Variants in SYNE2 observed in about 807,000 individuals in gnomAD.
SYNE2 encodes the protein nesprin-2.
SYNE2 carries 431 observed loss-of-function variants against 856.3 expected under a neutral mutation model. That is an observed-to-expected ratio of 0.50 (90% confidence interval 0.47 to 0.55). The LOEUF (loss-of-function observed/expected upper bound fraction) is 0.55, where lower values mean the gene tolerates loss of function less well. Among genes scored for constraint, SYNE2 ranks in the 20% least tolerant of loss-of-function variants. The pLI is 0.00. For missense variants in SYNE2, 8,129 were observed against 8,023.2 expected, an observed-to-expected ratio of 1.01 and a Z score of -0.50; for synonymous variants, 2,923 against 2,872.3, an observed-to-expected ratio of 1.02 and a Z score of -0.56.
chr14:63,967,152 C>T (rs1298582604), intron 10 of SYNE2, among the ~76,000 whole-genome samples: 1 of 152,224 alleles, frequency 6.6e-6, no homozygotes, highest in African/African-American at 2.4e-5. Flanking sequence ...GCATGAGCCA[C>T]CGCGCCTGGC....
At chr14:64,189,160 C>G (rs1317592050) in intron 98 of SYNE2, among the ~76,000 whole-genome samples, 1 of 152,008 alleles carries the variant, frequency 6.6e-6, no homozygotes, top group Non-Finnish European at 1.5e-5. Flanking sequence ...ATGGTGAAAC[C>G]TCGTCTCTAC....
chr14:63,966,484 C>T (rs561447915), intron 10 of SYNE2, among the ~76,000 whole-genome samples: 16 of 151,962 alleles, frequency 1.1e-4, no homozygotes, highest in Non-Finnish European at 2.1e-4. Context: ...GATCATGCCA[C>T]TGAACTTCAG....
intron 1 of SYNE2, among the ~76,000 whole-genome samples, chr14:63,893,134 A>T (rs2095173481): frequency 6.6e-6 from 1 of 152,180 alleles, no homozygotes; most frequent in African/African-American, 2.4e-5. Flanking sequence ...AAAAGAAAAC[A>T]ACAACAGACA....
chr14:64,214,420 C>G lies in SYNE2; in HGVS notation c.19283C>G (p.Ser6428Cys), dbSNP rs1298449677. The G allele has an allele frequency of 6.2e-7, 1 of 1,613,946 alleles. No homozygotes were observed. The highest frequency in any genetic ancestry group is 8.5e-7 in the Non-Finnish European group (1 of 1,180,008). The change falls in exon 106 of 116, where the codon TCC (serine) becomes TGC (cysteine). Residue 6428 changes from serine (S) to cysteine (C), a missense_variant. By Grantham distance (112) the Ser-to-Cys change is moderately radical. This residue lies in a region of SYNE2 where 5,410 missense variants were observed against 5,284.8 expected (regional missense o/e 1.02). Transcript: ENST00000555002. ...GACCACACAGGCGACGTGGGGGGCT[C>G]CTCCTCTCACGAAGAGGACGAGGAG... Reference protein sequence around the residue: ...EWDHTGDVGGSSSHEEDEEGP... With the variant: ...EWDHTGDVGGCSSHEEDEEGP...
chr14:64,098,699 T>C (rs369358613), intron 62 of SYNE2, 48 bp from the exon 63 acceptor site: 1 of 1,593,334 alleles, frequency 6.3e-7, no homozygotes, highest in Non-Finnish European at 8.6e-7. Context: ...ATCTTGGTGA[T>C]GTTGACTGGC....
chr14:63,925,558 T>C (rs995120773), intron 2 of SYNE2, among the ~76,000 whole-genome samples: 4 of 152,210 alleles, frequency 2.6e-5, no homozygotes, highest in Non-Finnish European at 5.9e-5. Flanking sequence ...ATTGTTTTTT[T>C]TACCATAGTC....
rs1488067730 is a variant in SYNE2 at position 63,963,884 on chromosome 14, G to A, written c.889-15G>A. 1.3e-6 allele frequency: 2 copies of A among 1,585,600 alleles called. No homozygotes were observed. Among genetic ancestry groups the A allele is most frequent in the African/African-American group, 1.3e-5 (1 of 74,224 alleles). On this transcript the variant is annotated splice_polypyrimidine_tract_variant and intron_variant, in intron 9 of 115. Coordinates refer to ENST00000555002, the MANE Select transcript of SYNE2 (RefSeq NM_182914.3). The stretch of plus-strand genomic sequence containing the variant: ...CGTTTAAAATATAGTTTAATTTTGT[G>A]TGTGTAAAATACAGGGAAAGGTGAA...
At position 64,226,405 on chromosome 14, in the gene SYNE2, TTTCTCA is replaced by T. The variant is rs2098718529; in HGVS notation, c.*882_*887del. The T allele has an allele frequency of 6.6e-6, 1 of 152,550 alleles. No individual in the cohort carries two copies. The highest frequency in any genetic ancestry group is 2.4e-5 in the African/African-American group (1 of 41,420). 9.4% of individuals were successfully genotyped at this position (152,550 alleles called of 1,614,324 possible). A position where few individuals can be genotyped will look rare whatever the true frequency, so the allele number is the denominator to read the frequency against. On this transcript the variant is annotated 3_prime_UTR_variant, in exon 116 of 116. Coordinates refer to ENST00000555002, the MANE Select transcript of SYNE2 (RefSeq NM_182914.3). ...GTTTGTGATATGTACAACTCAGATG[TTTCTCA>T]TTAAAAAACAAAATTAGCCAGACTT...
At chr14:63,946,670 TATAAC>T (rs1398832472) in intron 6 of SYNE2, among the ~76,000 whole-genome samples, 1 of 147,762 alleles carries the variant, frequency 6.8e-6, no homozygotes, top group East Asian at 1.9e-4. Flanking sequence ...TATACTATAA[TATAAC>T]ATATATTACA....
At chr14:63,857,050 T>C (rs529874036) in intron 1 of SYNE2, among the ~76,000 whole-genome samples, 24 of 152,322 alleles carry the variant, frequency 1.6e-4, no homozygotes, top group African/African-American at 5.8e-4. Context: ...ATTACAGGCA[T>C]GAGTCTGCCC....
At chr14:63,806,947 T>A (rs892904764) in intron 1 of SYNE2, among the ~76,000 whole-genome samples, 2 of 151,822 alleles carry the variant, frequency 1.3e-5, no homozygotes, top group East Asian at 3.9e-4. Context: ...ACTCCTGGCC[T>A]CAAGTGATCC....
At chr14:64,163,760 C>T (rs1348919215) in intron 89 of SYNE2, among the ~76,000 whole-genome samples, 179 bp downstream of exon 89, 1 of 152,166 alleles carries the variant, frequency 6.6e-6, no homozygotes, top group Non-Finnish European at 1.5e-5. Context: ...CTTAAGCAAT[C>T]ATTTCTTCCT....
rs377312521 is a variant in SYNE2 at position 63,910,766 on chromosome 14, G to A, written c.79+1539G>A. ...TGCAGCTGCATTTTGAAGATGAACA[G>A]TAAGGGAGACAAAGGGGCTTAGCAC... On this transcript the variant is annotated intron_variant, in intron 2 of 115. Transcript: ENST00000555002. Among the ~76,000 whole-genome samples the A allele has an allele frequency of 6.6e-5, 10 of 152,200 alleles. No homozygotes were observed. In the East Asian group the frequency reaches 9.6e-4, roughly 15 times the overall value.
At chr14:64,218,534 C>A (rs374937084) in intron 109 of SYNE2, 22 bp downstream of exon 109, 12 of 1,604,410 alleles carry the variant, frequency 7.5e-6, no homozygotes, top group Non-Finnish European at 8.5e-6. Context: ...AACTGGCAGT[C>A]GTCCAGAGAG....
chr14:63,969,075 A>G (rs1227953987), intron 11 of SYNE2, among the ~76,000 whole-genome samples: 1 of 152,078 alleles, frequency 6.6e-6, no homozygotes, highest in Non-Finnish European at 1.5e-5. Flanking sequence ...ATAAGTAAGA[A>G]CATGTGATAT....
chr14:64,200,679 G>C (rs1596178590), intron 99 of SYNE2, among the ~76,000 whole-genome samples: 1 of 152,238 alleles, frequency 6.6e-6, no homozygotes, highest in East Asian at 1.9e-4. Context: ...TTTGCAGTAA[G>C]AATGTAATTT....
intron 1 of SYNE2, chr14:63,864,517 A>C (rs1409969339): frequency 1.3e-5 from 2 of 152,218 alleles, no homozygotes; most frequent in Non-Finnish European, 2.9e-5. Flanking sequence ...GCAGTCGGTC[A>C]TGTGTTTTCT....
At position 63,950,469 on chromosome 14, in the gene SYNE2, C is replaced by T. The variant is rs539632376; in HGVS notation, c.590+463C>T. On this transcript the variant is annotated intron_variant, in intron 7 of 115. Coordinates refer to ENST00000555002, the MANE Select transcript of SYNE2 (RefSeq NM_182914.3). ...ACTTGGGAGGCTGAGGCAGGAGAAT[C>T]GCTTGAACCTGGGAGGCGGAGGTTG... 2.7e-4 allele frequency among the ~76,000 whole-genome samples: 41 copies of T among 152,182 alleles called. No individual in the cohort carries two copies. The South Asian group carries it at 6.9e-3, about 25-fold the overall frequency.
chr14:63,935,262 T>C (rs1230634751), intron 2 of SYNE2, among the ~76,000 whole-genome samples: 1 of 152,218 alleles, frequency 6.6e-6, no homozygotes, highest in East Asian at 1.9e-4. Context: ...CAGTTAGCAA[T>C]TATTGAGCAC....
Sources: allele counts gnomAD v4.1 joint callset (sites outside exome capture counted in the v4.1 genomes callset), GRCh38; gene constraint gnomAD v4.1.1; regional missense constraint gnomAD v4.1.1; transcripts MANE v1.5; gene names NCBI Gene and HGNC (gene_info 2026-07-23, HGNC 2026-07-21).